Variants in AMOTL1 observed in about 807,000 individuals in gnomAD.
AMOTL1 encodes angiomotin like 1, also known as angiomotin-like protein 1.
In AMOTL1, 45 loss-of-function variants were observed where a neutral mutation model predicts 102.9. The observed-to-expected ratio is 0.44, with a 90% CI of 0.34 to 0.56. The LOEUF (loss-of-function observed/expected upper bound fraction) is 0.56, where lower values mean the gene tolerates loss of function less well. Ranked by LOEUF, AMOTL1 falls within the 20% of genes least tolerant of loss-of-function variation. AMOTL1 has a pLI of 0.01. For synonymous variants in AMOTL1, 481 were observed against 484.7 expected (o/e 0.99, Z 0.10); for missense variants, 1,114 against 1,225.6 (o/e 0.91, Z 1.36).
intron 2 of AMOTL1, among the ~76,000 whole-genome samples, chr11:94,734,777 G>A (rs570481814): frequency 1.3e-5 from 2 of 152,292 alleles, no homozygotes; most frequent in African/African-American, 4.8e-5. Context: ...GGCAATACCA[G>A]GAAGGAGAGG....
chr11:94,799,300 A>T lies in AMOTL1; in HGVS notation c.200-90A>T. On this transcript the variant is annotated intron_variant, in intron 2 of 12. Coordinates refer to ENST00000433060, the MANE Select transcript of AMOTL1 (RefSeq NM_130847.3). The surrounding 1 kb of genome is among the most constrained non-coding windows in gnomAD (Gnocchi z 4.5). ...AAATCTTATTTTTAAATGTTGCTGTAGTTAGAATGTTAATTATGTACCACA... is the reference window on the plus strand; with the variant it reads ...AAATCTTATTTTTAAATGTTGCTGTTGTTAGAATGTTAATTATGTACCACA... The T allele has an allele frequency of 9.6e-7, 1 of 1,045,910 alleles. No homozygotes were observed. The highest frequency in any genetic ancestry group is 1.4e-6 in the Non-Finnish European group (1 of 734,894). 64.8% of individuals were successfully genotyped at this position (1,045,910 alleles called of 1,614,324 possible).
chr11:94,763,327 G>GCA (rs1170798449), intron 3 of AMOTL1, among the ~76,000 whole-genome samples: 25 of 152,188 alleles, frequency 1.6e-4, no homozygotes, highest in Non-Finnish European at 3.2e-4. Context: ...GACACTGCCA[G>GCA]TATTCCCTGA....
Position 94,794,922 on chromosome 11 carries a change from G to A in AMOTL1, c.50-89G>A, listed in dbSNP as rs1951338285. Reference sequence around the variant, plus strand: ...CCCTCTGCCAAGTTGAAACACTGTGGGAGAATGCCTGGTGGGTTCTTGTGA... The same window carrying A: ...CCCTCTGCCAAGTTGAAACACTGTGAGAGAATGCCTGGTGGGTTCTTGTGA... On this transcript the variant is annotated intron_variant, in intron 1 of 12. Coordinates refer to ENST00000433060, the MANE Select transcript of AMOTL1 (RefSeq NM_130847.3). 2.9e-6 allele frequency: 4 copies of A among 1,399,138 alleles called. No individual in the cohort carries two copies. In the African/African-American group the frequency reaches 5.8e-5, roughly 20 times the overall value. The allele number at this position is 1,399,138 out of a possible 1,614,324, so 86.7% of individuals were successfully genotyped here.
At chr11:94,756,338 C>T (rs1950725298) in intron 3 of AMOTL1, among the ~76,000 whole-genome samples, 1 of 152,208 alleles carries the variant, frequency 6.6e-6, no homozygotes, top group Admixed American at 6.5e-5. Flanking sequence ...GCCAGGGACC[C>T]CGCCCTTCTC....
intron 3 of AMOTL1, among the ~76,000 whole-genome samples, 184 bp from the exon 4 acceptor site, chr11:94,821,346 C>T (rs534143101): frequency 2.6e-5 from 4 of 152,314 alleles, no homozygotes; most frequent in East Asian, 1.9e-4. Context: ...CTGTCTTGTT[C>T]GCTGTTTCCC....
At chr11:94,721,990 C>T (rs1023287601) in intron 1 of AMOTL1, among the ~76,000 whole-genome samples, 1 of 152,082 alleles carries the variant, frequency 6.6e-6, no homozygotes, top group African/African-American at 2.4e-5. Flanking sequence ...TATTCGGGCT[C>T]TTTGTCTCTT....
intron 1 of AMOTL1, among the ~76,000 whole-genome samples, chr11:94,717,334 C>A (rs932144844): frequency 1.4e-5 from 2 of 146,860 alleles, no homozygotes; most frequent in Non-Finnish European, 3.0e-5. Flanking sequence ...GCAGGAAAAG[C>A]AATATGAGAG....
intron 1 of AMOTL1, among the ~76,000 whole-genome samples, chr11:94,723,622 A>G (rs1341018826): frequency 1.3e-5 from 2 of 152,126 alleles, no homozygotes; most frequent in African/African-American, 4.8e-5. Context: ...AAACTCTTCA[A>G]TTCTACAAAG....
intron 1 of AMOTL1, among the ~76,000 whole-genome samples, chr11:94,777,784 A>T (rs1041752747): frequency 1.3e-5 from 2 of 152,230 alleles, no homozygotes; most frequent in Admixed American, 6.5e-5. Context: ...GACAGAATAT[A>T]AATTAGGCAG....
rs756981554 is a variant in AMOTL1 at position 94,799,487 on chromosome 11, G to A, written c.297G>A (p.Leu99=). The A allele has an allele frequency of 6.2e-7, 1 of 1,612,176 alleles. No individual in the cohort carries two copies. The highest frequency in any genetic ancestry group is 1.1e-5 in the South Asian group (1 of 90,628). ...AGGATGCGGCAGCTGGAACAGTATT[G>A]CAGCGGCTGATCCAGGAACAACTGC... is the stretch of plus-strand genomic sequence containing the variant. ...GSEDAAAGTV[L]QRLIQEQLRY... The change falls in exon 3 of 13, where the codon TTG becomes TTA. Residue 99 remains leucine (L), a synonymous_variant. Coordinates refer to ENST00000433060, the MANE Select transcript of AMOTL1 (RefSeq NM_130847.3). The surrounding 1 kb of genome is among the most constrained non-coding windows in gnomAD (Gnocchi z 4.5).
intron 6 of AMOTL1, among the ~76,000 whole-genome samples, chr11:94,845,774 C>A (rs928499662): frequency 6.6e-6 from 1 of 152,180 alleles, no homozygotes; most frequent in African/African-American, 2.4e-5. Flanking sequence ...GAGCAGACAT[C>A]CTTCTATGTA....
intron 3 of AMOTL1, among the ~76,000 whole-genome samples, chr11:94,807,600 C>CT (rs1951587946): frequency 6.6e-6 from 1 of 152,094 alleles, no homozygotes; most frequent in African/African-American, 2.4e-5. Flanking sequence ...TCCTTCCGGT[C>CT]TTTTTTTCCT....
At chr11:94,727,419 C>T (rs2851586) in intron 1 of AMOTL1, among the ~76,000 whole-genome samples, 73,662 of 151,980 alleles carry the variant, frequency 0.48, 19,259 homozygotes, top group Non-Finnish European at 0.58. Context: ...GCACAGAGAA[C>T]GTGTCTGGTT....
At chr11:94,797,740 G>A (rs1951394741) in intron 2 of AMOTL1, among the ~76,000 whole-genome samples, 1 of 152,232 alleles carries the variant, frequency 6.6e-6, no homozygotes, top group Admixed American at 6.5e-5. Context: ...GCTGGAGAGA[G>A]CTAGCATGTC....
intron 3 of AMOTL1, among the ~76,000 whole-genome samples, chr11:94,809,319 G>A (rs947392048): frequency 3.9e-5 from 6 of 152,128 alleles, no homozygotes; most frequent in Non-Finnish European, 7.4e-5. Context: ...GTACATCTCA[G>A]TTCAGACTAG....
At position 94,874,746 on chromosome 11, in the gene AMOTL1, G is replaced by A. The variant is rs1953066759; in HGVS notation, c.*3951G>A. ...CATTGACCTGAGTCCCAGAGACTTA[G>A]GGACACAGACTTCAGGTGAGGCTGC... is the stretch of plus-strand genomic sequence containing the variant. On this transcript the variant is annotated 3_prime_UTR_variant, in exon 13 of 13. Coordinates refer to ENST00000433060, the MANE Select transcript of AMOTL1 (RefSeq NM_130847.3). The A allele has an allele frequency of 2.0e-5, 3 of 152,326 alleles. No homozygotes were observed. The highest frequency in any genetic ancestry group is 4.8e-5 in the African/African-American group (2 of 41,580). 9.4% of individuals were successfully genotyped at this position (152,326 alleles called of 1,614,324 possible). A position where few individuals can be genotyped will look rare whatever the true frequency, so the allele number is the denominator to read the frequency against.
intron 2 of AMOTL1, among the ~76,000 whole-genome samples, chr11:94,733,478 A>G (rs1483135081): frequency 6.6e-6 from 1 of 152,162 alleles, no homozygotes; most frequent in Non-Finnish European, 1.5e-5. Flanking sequence ...TTCTCTTTCT[A>G]CCACCCACAC....
In AMOTL1 at chr11:94,830,085, T is replaced by C; in HGVS notation, c.1449T>C (p.Tyr483=). The change falls in exon 5 of 13, where the codon TAT becomes TAC. Residue 483 remains tyrosine, a synonymous_variant. Transcript: ENST00000433060. ...AACTTCAGAGAATTTCGGAAGCCTA[T>C]GAAAGTCTGGTCAAGTCTACCACCA... is the stretch of plus-strand genomic sequence containing the variant. ...EKELQRISEA[Y]ESLVKSTTKR... is the part of the protein sequence containing the mutation. 6.2e-7 allele frequency: 1 copy of C among 1,607,698 alleles called. No homozygotes were observed. The highest frequency in any genetic ancestry group is 1.7e-5 in the Admixed American group (1 of 58,918).
intron 1 of AMOTL1, among the ~76,000 whole-genome samples, chr11:94,716,694 T>C (rs1344408107): frequency 6.6e-6 from 1 of 152,146 alleles, no homozygotes; most frequent in Non-Finnish European, 1.5e-5. Context: ...TCAGGTTTGC[T>C]AATGCTTCGC....
Sources: gnomAD v4.1 joint callset for allele counts (sites outside exome capture counted in the v4.1 genomes callset) on GRCh38, gnomAD v4.1.1 for gene constraint, Gnocchi (gnomAD v3.1) non-coding constraint, MANE v1.5 for transcripts, NCBI Gene and HGNC (gene_info 2026-07-23, HGNC 2026-07-21) for gene names.